PLEKHG3: variants seen among roughly 807,000 people sequenced by gnomAD.
The protein encoded by PLEKHG3 is pleckstrin homology domain-containing family G member 3.
In PLEKHG3, 62 loss-of-function variants were observed where a neutral mutation model predicts 94.9. The observed-to-expected ratio is 0.65, with a 90% CI of 0.53 to 0.81. The LOEUF (loss-of-function observed/expected upper bound fraction) is 0.81. Among genes scored for constraint, PLEKHG3 ranks in the 30% least tolerant of loss-of-function variants. The pLI is 0.00. For missense variants in PLEKHG3, 1,461 were observed against 1,619.3 expected (o/e 0.90, Z 1.68); for synonymous variants, 614 against 654.0 (o/e 0.94, Z 0.93).
intron 1 of PLEKHG3, among the ~76,000 whole-genome samples, chr14:64,711,791 G>A (rs1480753282): frequency 6.6e-6 from 1 of 152,134 alleles, no homozygotes; most frequent in East Asian, 1.9e-4. Flanking sequence ...TCTGTGATTT[G>A]TCTTTTCACT....
At chr14:64,735,364 C>G (rs950384661) in intron 12 of PLEKHG3, among the ~76,000 whole-genome samples, 3 of 152,202 alleles carry the variant, frequency 2.0e-5, no homozygotes, top group African/African-American at 4.8e-5. Flanking sequence ...GTAATCCTAG[C>G]ACCTTGGGAG....
chr14:64,731,376 C>T lies in PLEKHG3; in HGVS notation c.865C>T (p.Leu289Phe). 1 of 1,613,640 alleles carries T rather than the reference C, an allele frequency of 6.2e-7. No homozygotes were observed. Among genetic ancestry groups the T allele is most frequent in the Non-Finnish European group, 8.5e-7 (1 of 1,179,846 alleles). Residue 289 changes from leucine to phenylalanine, a missense_variant, in exon 8 of 17, where the codon CTC becomes TTC. Transcript: ENST00000247226. This position sits in a 1 kb window ranked among gnomAD's most constrained non-coding sequence, Gnocchi z 6.1. ...TCTGCTGCAGGAGATTCAGTCACTC[C>T]TCATCAACTGGAAGGGGCCCGACCT... ...AVRLQEIQSL[L>F]INWKGPDLTT... is the part of the protein sequence containing the mutation.
chr14:64,709,263 G>A (rs2081028621), intron 1 of PLEKHG3, among the ~76,000 whole-genome samples: 1 of 152,210 alleles, frequency 6.6e-6, no homozygotes, highest in African/African-American at 2.4e-5. Context: ...GGTCTCATTT[G>A]CTACAGCTTT....
chr14:64,744,771 A>ATTTTTTTTTTTTTTTTTTTTT lies in PLEKHG3; in HGVS notation c.*1088_*1089insTTTTTTTTTTTTTTTTTTTTT, dbSNP rs397954215. On this transcript the variant is annotated 3_prime_UTR_variant, in exon 17 of 17. Transcript: ENST00000247226. The stretch of plus-strand genomic sequence containing the variant: ...CCAGGAAACATCCTAGAAGACAAGG[A>ATTTTTTTTTTTTTTTTTTTTT]TTTTTTTTTTTTTTTTTTTTGAGAC... The ATTTTTTTTTTTTTTTTTTTTT allele has an allele frequency of 2.0e-4, 24 of 122,018 alleles. No homozygotes were observed. Among genetic ancestry groups the ATTTTTTTTTTTTTTTTTTTTT allele is most frequent in the African/African-American group, 8.1e-4 (24 of 29,498 alleles). The allele number at this position is 122,018 out of a possible 1,614,324, so 7.6% of individuals were successfully genotyped here.
At position 64,732,307 on chromosome 14, in the gene PLEKHG3, G is replaced by T; in HGVS notation, c.1213-120G>T. ...GTGGACAGTGAGTGTCAGTACAGCAGATGCCCCGGGCCTTGGTGCAGCACT... is the reference window on the plus strand; with the variant it reads ...GTGGACAGTGAGTGTCAGTACAGCATATGCCCCGGGCCTTGGTGCAGCACT... On this transcript the variant is annotated intron_variant, in intron 10 of 16. Coordinates refer to ENST00000247226, the MANE Select transcript of PLEKHG3 (RefSeq NM_001308147.2). This position sits in a 1 kb window ranked among gnomAD's most constrained non-coding sequence, Gnocchi z 4.9. The T allele has an allele frequency of 8.2e-7, 1 of 1,223,718 alleles. No individual in the cohort carries two copies. The highest frequency in any genetic ancestry group is 1.2e-6 in the Non-Finnish European group (1 of 826,608). The allele number at this position is 1,223,718 out of a possible 1,614,324, so 75.8% of individuals were successfully genotyped here.
At chr14:64,710,392 G>A (rs777581325) in intron 1 of PLEKHG3, among the ~76,000 whole-genome samples, 1 of 152,190 alleles carries the variant, frequency 6.6e-6, no homozygotes, top group South Asian at 2.1e-4. Flanking sequence ...GATAAAGGCC[G>A]GGCGCAGTGG....
rs1171101678 is a variant in PLEKHG3, at chr14:64,749,182, G to A, written c.*5479G>A. 1 of 1,221,526 alleles carries A rather than the reference G, an allele frequency of 8.2e-7. No individual in the cohort carries two copies. The highest frequency in any genetic ancestry group is 1.1e-6 in the Non-Finnish European group (1 of 882,838). The allele number at this position is 1,221,526 out of a possible 1,614,324, so 75.7% of individuals were successfully genotyped here. A position where few individuals can be genotyped will look rare whatever the true frequency, so the allele number is the denominator to read the frequency against. On this transcript the variant is annotated 3_prime_UTR_variant, in exon 17 of 17. Coordinates refer to ENST00000247226, the MANE Select transcript of PLEKHG3 (RefSeq NM_001308147.2). This position sits in a 1 kb window ranked among gnomAD's most constrained non-coding sequence, Gnocchi z 4.7. ...GCTTTTGCAGTGCAGCGTGGGGCCC[G>A]GGGGCCCGGCCCGCGACTCGACTCA...
Position 64,730,252 on chromosome 14 carries a change from C to T in PLEKHG3, c.459C>T (p.Leu153=), listed in dbSNP as rs376274012. The change falls in exon 4 of 17, where the codon CTC becomes CTT. Residue 153 remains leucine, a synonymous_variant. Transcript: ENST00000247226. The surrounding 1 kb of genome is among the most constrained non-coding windows in gnomAD (Gnocchi z 5.4). ...ENIYALNSQL[L]RDLDSCNSDP... Reference sequence around the variant, plus strand: ...CTCTCCCCTCACCCAGCCAGCTCCTCAGAGACCTGGACAGCTGCAATAGTG... The same window carrying T: ...CTCTCCCCTCACCCAGCCAGCTCCTTAGAGACCTGGACAGCTGCAATAGTG... The T allele has an allele frequency of 3.2e-5, 49 of 1,532,958 alleles. No individual in the cohort carries two copies. The East Asian group carries it at 4.2e-4, about 13-fold the overall frequency. 95.0% of individuals were successfully genotyped at this position (1,532,958 alleles called of 1,614,324 possible). A position where few individuals can be genotyped will look rare whatever the true frequency, so the allele number is the denominator to read the frequency against.
Position 64,731,093 on chromosome 14 carries a change from C to A in PLEKHG3, c.773C>A (p.Ala258Asp). The change falls in exon 7 of 17, where the codon GCC becomes GAC. Residue 258 changes from alanine (A) to aspartate (D), a missense_variant. Ala to Asp is a moderately radical substitution (Grantham distance 126). Transcript: ENST00000247226. The surrounding 1 kb of genome is among the most constrained non-coding windows in gnomAD (Gnocchi z 6.1). Reference protein sequence around the residue: ...EEDGFEVVEDAIDTMTCVAWY... With the variant: ...EEDGFEVVEDDIDTMTCVAWY... ...GATGGCTTTGAGGTGGTGGAGGATGCCATTGACACCATGACCTGTGTGGCC... is the reference window on the plus strand; with the variant it reads ...GATGGCTTTGAGGTGGTGGAGGATGACATTGACACCATGACCTGTGTGGCC... The A allele has an allele frequency of 6.2e-7, 1 of 1,612,920 alleles. No homozygotes were observed. Among genetic ancestry groups the A allele is most frequent in the Non-Finnish European group, 8.5e-7 (1 of 1,178,990 alleles).
At position 64,749,195 on chromosome 14, in the gene PLEKHG3, G is replaced by A. The variant is rs1245277193; in HGVS notation, c.*5492G>A. 34 of 1,357,376 alleles carry A rather than the reference G, an allele frequency of 2.5e-5. No individual in the cohort carries two copies. The East Asian group carries it at 3.1e-4, about 12-fold the overall frequency. The allele number at this position is 1,357,376 out of a possible 1,614,324, so 84.1% of individuals were successfully genotyped here. A position where few individuals can be genotyped will look rare whatever the true frequency, so the allele number is the denominator to read the frequency against. On this transcript the variant is annotated 3_prime_UTR_variant, in exon 17 of 17. Transcript: ENST00000247226. The surrounding 1 kb of genome is among the most constrained non-coding windows in gnomAD (Gnocchi z 4.7). ...AGCGTGGGGCCCGGGGGCCCGGCCC[G>A]CGACTCGACTCATCTCGATTCGACC...
chr14:64,728,504 C>T lies in PLEKHG3; in HGVS notation c.352-492C>T, dbSNP rs1301350370. On this transcript the variant is annotated intron_variant, in intron 2 of 16. Coordinates refer to ENST00000247226, the MANE Select transcript of PLEKHG3 (RefSeq NM_001308147.2). This position sits in a 1 kb window ranked among gnomAD's most constrained non-coding sequence, Gnocchi z 5.9. ...CCACACACTGGGTGGCTTAAAACAG[C>T]AAATGTGTTCTCACTCAGTTCAGGA... 6.6e-6 allele frequency among the ~76,000 whole-genome samples: 1 copy of T among 152,222 alleles called. No individual in the cohort carries two copies. The highest frequency in any genetic ancestry group is 1.9e-4 in the East Asian group (1 of 5,192).
intron 1 of PLEKHG3, among the ~76,000 whole-genome samples, chr14:64,705,022 C>T (rs1335932935): frequency 6.6e-6 from 1 of 152,134 alleles, no homozygotes; most frequent in Non-Finnish European, 1.5e-5. Flanking sequence ...AGGAAGCCCG[C>T]GAGGCCGCGC....
chr14:64,708,483 G>A (rs929116697), intron 1 of PLEKHG3, among the ~76,000 whole-genome samples: 1 of 152,186 alleles, frequency 6.6e-6, no homozygotes. Flanking sequence ...CAGAAGGGTG[G>A]CAGGAGGATT....
chr14:64,723,407 G>A lies in PLEKHG3; in HGVS notation c.-39-4186G>A, dbSNP rs2139374261. ...ATTGCACCACTGCACTCCAGCCTGG[G>A]TGACAGAGGGAGACCCTGCCTCAAA... On this transcript the variant is annotated intron_variant, in intron 1 of 16. Coordinates refer to ENST00000247226, the MANE Select transcript of PLEKHG3 (RefSeq NM_001308147.2). The surrounding 1 kb of genome is among the most constrained non-coding windows in gnomAD (Gnocchi z 4.5). Among the ~76,000 whole-genome samples the A allele has an allele frequency of 6.6e-6, 1 of 152,268 alleles. No individual in the cohort carries two copies. The highest frequency in any genetic ancestry group is 1.5e-5 in the Non-Finnish European group (1 of 68,014).
At chr14:64,737,913 C>T (rs749720165) in intron 14 of PLEKHG3, 64 of 1,214,466 alleles carry the variant, frequency 5.3e-5, no homozygotes, top group African/African-American at 2.5e-4. Context: ...CTCCCGTACT[C>T]GGGGCCTGCA....
rs779554188 is a variant in PLEKHG3, at chr14:64,727,638, G to A, written c.7G>A (p.Val3Met). MPVSTSLHQDGSQ... is the reference protein window; with the variant it reads MPMSTSLHQDGSQ... ...CCCAGGCAGCAATGCCAGGATGCCT[G>A]TGTCCACCTCCCTCCACCAGGATGG... The change falls in exon 2 of 17, where the codon GTG becomes ATG. Residue 3 changes from valine to methionine, a missense_variant. Physicochemically the swap from Val to Met is conservative, Grantham distance 21. Transcript: ENST00000247226. This position sits in a 1 kb window ranked among gnomAD's most constrained non-coding sequence, Gnocchi z 6.0. 1.5e-5 allele frequency: 24 copies of A among 1,608,112 alleles called. No homozygotes were observed. The highest frequency in any genetic ancestry group is 2.0e-5 in the Non-Finnish European group (24 of 1,176,084).
chr14:64,741,833 G>T lies in PLEKHG3; in HGVS notation c.2316G>T (p.Gly772=), dbSNP rs776749730. The T allele has an allele frequency of 3.1e-6, 5 of 1,613,630 alleles. No homozygotes were observed. Among genetic ancestry groups the T allele is most frequent in the South Asian group, 1.1e-5 (1 of 91,078 alleles). The change falls in exon 16 of 17, where the codon GGG becomes GGT. Residue 772 remains glycine (G), a synonymous_variant. Coordinates refer to ENST00000247226, the MANE Select transcript of PLEKHG3 (RefSeq NM_001308147.2). ...RPDPEPVPPV[G]SKRQVGSRPT... is the part of the protein sequence containing the mutation. ...ACCCAGAGCCAGTACCTCCAGTGGG[G>T]AGCAAGAGACAGGTGGGCTCCCGGC...
At position 64,732,906 on chromosome 14, in the gene PLEKHG3, G is replaced by T; in HGVS notation, c.1345+5G>T. 6.3e-7 allele frequency: 1 copy of T among 1,580,046 alleles called. No homozygotes were observed. The highest frequency in any genetic ancestry group is 1.1e-5 in the South Asian group (1 of 87,674). The stretch of plus-strand genomic sequence containing the variant: ...GCCAGGGGCGCCGGCAATCTGGTAA[G>T]AGAAGGGCTGTGGAGGCAGGAGGCC... On this transcript the variant is annotated splice_donor_5th_base_variant and intron_variant, in intron 12 of 16. Coordinates refer to ENST00000247226, the MANE Select transcript of PLEKHG3 (RefSeq NM_001308147.2). The surrounding 1 kb of genome is among the most constrained non-coding windows in gnomAD (Gnocchi z 4.9).
At position 64,731,147 on chromosome 14, in the gene PLEKHG3, A is replaced by G. The variant is rs2081453127; in HGVS notation, c.827A>G (p.His276Arg). The G allele has an allele frequency of 6.3e-7, 1 of 1,582,600 alleles. No homozygotes were observed. Among genetic ancestry groups the G allele is most frequent in the Non-Finnish European group, 8.6e-7 (1 of 1,159,808 alleles). ...TACATCAACGACATGAAGAGGAGGCATGAGCACGCGGTCCGGCTCCAGGTG... is the reference window on the plus strand; with the variant it reads ...TACATCAACGACATGAAGAGGAGGCGTGAGCACGCGGTCCGGCTCCAGGTG... ...AWYINDMKRR[H>R]EHAVRLQEIQ... Residue 276 changes from histidine to arginine, a missense_variant, in exon 7 of 17, where the codon CAT becomes CGT. His to Arg is a conservative substitution (Grantham distance 29, BLOSUM62 0). Coordinates refer to ENST00000247226, the MANE Select transcript of PLEKHG3 (RefSeq NM_001308147.2). The surrounding 1 kb of genome is among the most constrained non-coding windows in gnomAD (Gnocchi z 6.1).
Sources: gnomAD v4.1 joint callset for allele counts (sites outside exome capture counted in the v4.1 genomes callset) on GRCh38, gnomAD v4.1.1 for gene constraint, Gnocchi (gnomAD v3.1) non-coding constraint, MANE v1.5 for transcripts, NCBI Gene and HGNC (gene_info 2026-07-23, HGNC 2026-07-21) for gene names.